Variants in JAK1 observed in about 807,000 individuals in gnomAD.
JAK1 encodes the protein Janus kinase 1, also known as tyrosine-protein kinase JAK1.
JAK1 carries 16 observed loss-of-function variants against 136.6 expected under a neutral mutation model. That is an observed-to-expected ratio of 0.12 (90% CI 0.08 to 0.18). JAK1 has a LOEUF of 0.18. Among genes scored for constraint, JAK1 ranks in the 10% least tolerant of loss-of-function variants. The pLI is 1.00. For synonymous variants in JAK1, 492 were observed against 519.5 expected, an observed-to-expected ratio of 0.95 and a Z score of 0.72; for missense variants, 859 against 1,450.1, an observed-to-expected ratio of 0.59 and a Z score of 6.62.
At chr1:64,860,826 C>CTGTGTGTGTGTGTGTG (rs72032330) in intron 8 of JAK1, among the ~76,000 whole-genome samples, 1,442 of 119,830 alleles carry the variant, frequency 0.012, 65 homozygotes, top group Non-Finnish European at 0.018. Context: ...TCAGATGACT[C>CTGTGTGTGTGTGTGTG]TGTGTGTGTG....
chr1:64,976,909 A>G (rs1274166185), intron 2 of JAK1, among the ~76,000 whole-genome samples: 1 of 152,146 alleles, frequency 6.6e-6, no homozygotes, highest in African/African-American at 2.4e-5. Context: ...CTGGGGTATT[A>G]GATCGTGTGT....
intron 1 of JAK1, among the ~76,000 whole-genome samples, chr1:64,956,962 G>A (rs1646198608): frequency 6.6e-6 from 1 of 152,192 alleles, no homozygotes; most frequent in African/African-American, 2.4e-5. Context: ...CACCAGTAGG[G>A]TTGAGGGACA....
intron 1 of JAK1, among the ~76,000 whole-genome samples, chr1:64,900,349 T>G (rs1396082097): frequency 2.6e-5 from 4 of 152,220 alleles, no homozygotes; most frequent in Non-Finnish European, 5.9e-5. Context: ...AGGGAACAGA[T>G]GAGCTCCATT....
At chr1:64,841,201 G>T in intron 19 of JAK1, 44 bp downstream of exon 19, 2 of 1,339,680 alleles carry the variant, frequency 1.5e-6, no homozygotes, top group Non-Finnish European at 2.1e-6. Flanking sequence ...TGTGGATGGC[G>T]GAGGGCTCTG....
At chr1:64,842,458 G>A (rs1314724035) in intron 17 of JAK1, among the ~76,000 whole-genome samples, 1 of 152,024 alleles carries the variant, frequency 6.6e-6, no homozygotes, top group African/African-American at 2.4e-5. Context: ...TGGGCCCTGG[G>A]GTGGGGTGGG....
chr1:65,059,574 T>C (rs1647701332), intron 1 of JAK1, among the ~76,000 whole-genome samples: 1 of 152,170 alleles, frequency 6.6e-6, no homozygotes, highest in Non-Finnish European at 1.5e-5. Flanking sequence ...CATATACACA[T>C]CACTTGCTTT....
chr1:64,859,058 TTG>T (rs887995383), intron 9 of JAK1, among the ~76,000 whole-genome samples: 103 of 152,328 alleles, frequency 6.8e-4, no homozygotes, highest in African/African-American at 2.3e-3. Context: ...CTGCCATTCT[TTG>T]TGTGTCTGTT....
intron 2 of JAK1, among the ~76,000 whole-genome samples, chr1:65,011,930 T>C (rs1197613789): frequency 6.6e-6 from 1 of 152,204 alleles, no homozygotes; most frequent in Non-Finnish European, 1.5e-5. Context: ...AGGAAATCGC[T>C]AGTTAAGGTG....
rs368224257 is a variant in JAK1, at chr1:65,009,244, A to G, written c.-78+35236T>C. Among the ~76,000 whole-genome samples the G allele has an allele frequency of 2.4e-4, 36 of 152,362 alleles. No individual in the cohort carries two copies. In the East Asian group the frequency reaches 3.9e-3, roughly 16 times the overall value. On this transcript the variant is annotated intron_variant, in intron 2 of 25. Coordinates refer to the JAK1 transcript ENST00000671954. Reference sequence around the variant, plus strand: ...CTGTTAATTACAGAAAAAATCAAGTAGAATGATATGCATAGTTTGATTCCA... The same window carrying G: ...CTGTTAATTACAGAAAAAATCAAGTGGAATGATATGCATAGTTTGATTCCA...
At chr1:64,958,937 C>T (rs1646237319) in intron 1 of JAK1, among the ~76,000 whole-genome samples, 1 of 152,164 alleles carries the variant, frequency 6.6e-6, no homozygotes, top group Non-Finnish European at 1.5e-5. Context: ...GTCTGAGTTA[C>T]CAAGTGTATG....
rs1319003117 is a variant in JAK1, at chr1:64,834,646, A to G, written c.3381T>C (p.Leu1127=). The change falls in exon 25 of 25, where the codon CTT becomes CTC. Residue 1127 remains leucine (L), a synonymous_variant. Transcript: ENST00000342505. ...GTTGGAATTCCCAGCATTTCCTCAT[A>G]AGTTGATAAACCTGTAAAAAGAAAG... The part of the protein sequence containing the change: ...PPNCPDEVYQ[L]MRKCWEFQPS... The G allele has an allele frequency of 6.2e-7, 1 of 1,608,058 alleles. No individual in the cohort carries two copies. Among genetic ancestry groups the G allele is most frequent in the Non-Finnish European group, 8.5e-7 (1 of 1,174,758 alleles).
In JAK1 at chr1:64,833,745, A is replaced by AGTT. The variant is rs1278817450; in HGVS notation, c.*814_*816dup. The AGTT allele has an allele frequency of 6.9e-5, 16 of 232,596 alleles. No individual in the cohort carries two copies. Among genetic ancestry groups the AGTT allele is most frequent in the Non-Finnish European group, 1.2e-4 (14 of 117,942 alleles). 14.4% of individuals were successfully genotyped at this position (232,596 alleles called of 1,614,324 possible). On this transcript the variant is annotated 3_prime_UTR_variant, in exon 25 of 25. Coordinates refer to ENST00000342505, the MANE Select transcript of JAK1 (RefSeq NM_002227.4). ...GGAATAGCTTGCCCCAAAGTGGTAG[A>AGTT]GTTATAAAAGGATATACATTGACGT...
intron 1 of JAK1, among the ~76,000 whole-genome samples, chr1:64,890,072 C>A (rs939217212): frequency 6.6e-6 from 1 of 152,140 alleles, no homozygotes; most frequent in East Asian, 1.9e-4. Flanking sequence ...GGTATGAACT[C>A]AGAAAAACTG....
intron 1 of JAK1, among the ~76,000 whole-genome samples, chr1:64,957,435 T>C (rs1198548500): frequency 6.6e-6 from 1 of 152,262 alleles, no homozygotes; most frequent in Non-Finnish European, 1.5e-5. Flanking sequence ...CATAGGTCTT[T>C]GGCACATATT....
chr1:64,967,216 G>GATTAA (rs1336550906), upstream of JAK1, among the ~76,000 whole-genome samples: 2 of 152,148 alleles, frequency 1.3e-5, no homozygotes, highest in African/African-American at 4.8e-5. Context: ...TCTTAATCAA[G>GATTAA]GTCACACTGT....
chr1:64,968,218 CA>C (rs1390857587), upstream of JAK1, among the ~76,000 whole-genome samples: 1 of 151,984 alleles, frequency 6.6e-6, no homozygotes, highest in African/African-American at 2.4e-5. Flanking sequence ...AGGGTGGAAT[CA>C]GGGGGAGAGG....
At chr1:65,058,715 A>C (rs1337871729) in intron 1 of JAK1, among the ~76,000 whole-genome samples, 1 of 152,108 alleles carries the variant, frequency 6.6e-6, no homozygotes, top group African/African-American at 2.4e-5. Flanking sequence ...TGAAAGATGA[A>C]CACATGACTT....
chr1:64,940,514 A>C (rs1645870675), intron 1 of JAK1, among the ~76,000 whole-genome samples: 1 of 151,926 alleles, frequency 6.6e-6, no homozygotes, highest in Non-Finnish European at 1.5e-5. Context: ...ATGGAGTTTC[A>C]CCATGTTGGC....
At chr1:64,943,559 A>G (rs948142331) in intron 1 of JAK1, among the ~76,000 whole-genome samples, 3 of 152,216 alleles carry the variant, frequency 2.0e-5, no homozygotes. Context: ...CTCTTACATC[A>G]TAGACTAAAA....
Sources: allele counts gnomAD v4.1 joint callset (sites outside exome capture counted in the v4.1 genomes callset), GRCh38; gene constraint gnomAD v4.1.1; transcripts MANE v1.5; gene names NCBI Gene and HGNC (gene_info 2026-07-23, HGNC 2026-07-21).